Variants in MYO1D observed in about 807,000 individuals in gnomAD.
MYO1D encodes unconventional myosin-Id.
A neutral mutation model predicts 122.0 loss-of-function variants in MYO1D; 83 were observed. That is an observed-to-expected ratio of 0.68 (90% CI 0.57 to 0.82). The LOEUF (loss-of-function observed/expected upper bound fraction) is 0.82, where lower values mean the gene tolerates loss of function less well. Among genes scored for constraint, MYO1D ranks in the 40% least tolerant of loss-of-function variants. The pLI is 0.00. For synonymous variants in MYO1D, 464 were observed against 446.9 expected (o/e 1.04, Z -0.48); for missense variants, 1,157 against 1,269.5 (o/e 0.91, Z 1.35).
At chr17:32,783,857 T>C (rs140633682) in intron 1 of MYO1D, among the ~76,000 whole-genome samples, 2,401 of 152,308 alleles carry the variant, frequency 0.016, 38 homozygotes, top group Admixed American at 0.036. Flanking sequence ...AAATAGGATG[T>C]TATCATCTCT....
At chr17:32,553,729 A>G (rs1354535872) in intron 21 of MYO1D, among the ~76,000 whole-genome samples, 1 of 152,050 alleles carries the variant, frequency 6.6e-6, no homozygotes, top group Non-Finnish European at 1.5e-5. Flanking sequence ...CCACCTTTGG[A>G]ATGTTATGTT....
chr17:32,757,633 T>G (rs1449726555), intron 10 of MYO1D, among the ~76,000 whole-genome samples: 2 of 152,162 alleles, frequency 1.3e-5, no homozygotes, highest in Non-Finnish European at 2.9e-5. Context: ...ATCTTAGACT[T>G]CGGGACTGTG....
intron 21 of MYO1D, among the ~76,000 whole-genome samples, chr17:32,558,769 T>C (rs1044856643): frequency 4.6e-5 from 7 of 152,204 alleles, no homozygotes; most frequent in Admixed American, 3.9e-4. Context: ...GTACCCTACA[T>C]CTGACAGGGA....
chr17:32,645,416 G>A (rs546574222), intron 19 of MYO1D, among the ~76,000 whole-genome samples: 40 of 152,160 alleles, frequency 2.6e-4, no homozygotes, highest in Admixed American at 2.0e-3. Flanking sequence ...TCTTTGTGGC[G>A]TTCTCTGTAT....
intron 20 of MYO1D, among the ~76,000 whole-genome samples, chr17:32,634,760 T>C (rs2088074384): frequency 6.6e-6 from 1 of 152,142 alleles, no homozygotes; most frequent in Non-Finnish European, 1.5e-5. Context: ...ATGCTGGCAA[T>C]TGGAGTGGGA....
rs1401588212 is a variant in MYO1D, at chr17:32,770,766, G to T, written c.714+359C>A. Among the ~76,000 whole-genome samples the T allele has an allele frequency of 3.9e-5, 6 of 152,228 alleles. No individual in the cohort carries two copies. The East Asian group carries it at 1.2e-3, about 29-fold the overall frequency. On this transcript the variant is annotated intron_variant, in intron 6 of 21. Coordinates refer to ENST00000318217, the MANE Select transcript of MYO1D (RefSeq NM_015194.3). ...CATTTTAATTTTGTCTTACTAACTT[G>T]CCTTTGGCCAAATCATATGGAATCT...
At chr17:32,694,170 C>T (rs1032931052) in intron 16 of MYO1D, among the ~76,000 whole-genome samples, 6 of 152,176 alleles carry the variant, frequency 3.9e-5, no homozygotes, top group Non-Finnish European at 2.9e-5. Flanking sequence ...TTCTTCATTA[C>T]GGACACCTTT....
intron 1 of MYO1D, 129 bp downstream of exon 1, chr17:32,876,649 G>T: frequency 1.5e-6 from 1 of 680,378 alleles, no homozygotes. Flanking sequence ...CCCGGACACC[G>T]CAGCCCGGCC....
chr17:32,738,664 CT>C (rs2089737721), intron 13 of MYO1D, among the ~76,000 whole-genome samples: 1 of 152,058 alleles, frequency 6.6e-6, no homozygotes. Context: ...ACCTAGGACC[CT>C]CAAATGGTCA....
intron 1 of MYO1D, among the ~76,000 whole-genome samples, chr17:32,821,130 G>C (rs548515733): frequency 1.3e-4 from 20 of 152,200 alleles, no homozygotes; most frequent in African/African-American, 4.3e-4. Context: ...GCAGTATTTG[G>C]TTTTCTGTTC....
chr17:32,874,418 C>T (rs909667878), intron 1 of MYO1D, among the ~76,000 whole-genome samples: 17 of 152,198 alleles, frequency 1.1e-4, no homozygotes, highest in Admixed American at 5.9e-4. Context: ...TCATAGCTCA[C>T]GGCAGCTTTG....
chr17:32,555,704 A>G (rs1387363260), intron 21 of MYO1D, among the ~76,000 whole-genome samples: 1 of 152,086 alleles, frequency 6.6e-6, no homozygotes, highest in African/African-American at 2.4e-5. Flanking sequence ...ACCAACACCC[A>G]TGCCATTCCA....
intron 1 of MYO1D, among the ~76,000 whole-genome samples, chr17:32,787,993 T>C (rs2090314758): frequency 6.6e-6 from 1 of 152,190 alleles, no homozygotes; most frequent in Non-Finnish European, 1.5e-5. Context: ...ATCCACTCAT[T>C]GGTTCATGGG....
At chr17:32,750,761 G>A (rs1293195333) in intron 11 of MYO1D, among the ~76,000 whole-genome samples, 1 of 152,190 alleles carries the variant, frequency 6.6e-6, no homozygotes, top group Non-Finnish European at 1.5e-5. Context: ...ATTAGAGTCA[G>A]ACCTCCACGG....
Position 32,493,419 on chromosome 17 carries a change from CTG to C in MYO1D, c.*1338_*1339del, listed in dbSNP as rs1908960668. On this transcript the variant is annotated 3_prime_UTR_variant, in exon 22 of 22. Transcript: ENST00000318217. ...CAGGGTGGGAAGGCAGGAGAAGTGTCTGTGGCAGGACGGGAAGAAGCTTCAGT... is the reference window on the plus strand; with the variant it reads ...CAGGGTGGGAAGGCAGGAGAAGTGTCTGGCAGGACGGGAAGAAGCTTCAGT... 1 of 152,312 alleles carries C rather than the reference CTG, an allele frequency of 6.6e-6. No homozygotes were observed. The highest frequency in any genetic ancestry group is 2.4e-5 in the African/African-American group (1 of 41,436). The allele number at this position is 152,312 out of a possible 1,614,324, so 9.4% of individuals were successfully genotyped here. A position where few individuals can be genotyped will look rare whatever the true frequency, so the allele number is the denominator to read the frequency against.
chr17:32,644,828 T>C (rs530044403), intron 19 of MYO1D, among the ~76,000 whole-genome samples: 54 of 152,328 alleles, frequency 3.5e-4, no homozygotes, highest in African/African-American at 1.3e-3. Context: ...GATGGGTTTC[T>C]TGAATACAGT....
At chr17:32,670,078 T>G (rs374226643) in intron 16 of MYO1D, among the ~76,000 whole-genome samples, 9 of 152,152 alleles carry the variant, frequency 5.9e-5, no homozygotes, top group African/African-American at 2.2e-4. Context: ...CTTTTTTTAG[T>G]AGAGACGGGG....
At chr17:32,800,818 C>G (rs1277414188) in intron 1 of MYO1D, among the ~76,000 whole-genome samples, 1 of 151,980 alleles carries the variant, frequency 6.6e-6, no homozygotes, top group Non-Finnish European at 1.5e-5. Flanking sequence ...AGCAATCCTC[C>G]CACCTCAGCC....
chr17:32,833,717 G>C (rs964716718), intron 1 of MYO1D, among the ~76,000 whole-genome samples: 1 of 151,978 alleles, frequency 6.6e-6, no homozygotes, highest in East Asian at 1.9e-4. Context: ...AGCCTTACTG[G>C]CCACCTCCTT....
Sources: allele counts gnomAD v4.1 joint callset (sites outside exome capture counted in the v4.1 genomes callset), GRCh38; gene constraint gnomAD v4.1.1; transcripts MANE v1.5; gene names NCBI Gene and HGNC (gene_info 2026-07-23, HGNC 2026-07-21).